The following SLC28A1 variants were observed in gnomAD, a reference collection of about 807,000 sequenced individuals.
The protein encoded by SLC28A1 is solute carrier family 28 member 1, also known as sodium/nucleoside cotransporter 1.
Under a neutral mutation model 74.8 loss-of-function variants are expected in SLC28A1, and 64 were observed. The observed-to-expected ratio is 0.86, with a 90% CI of 0.70 to 1.05. The LOEUF is 1.05. Among genes scored for constraint, SLC28A1 ranks in the 50% least tolerant of loss-of-function variants. The pLI is 0.00. For synonymous variants in SLC28A1, 359 were observed against 335.0 expected (o/e 1.07, Z -0.78); for missense variants, 828 against 822.8 (o/e 1.01, Z -0.08).
chr15:84,927,544 AG>A (rs571991575), intron 12 of SLC28A1, among the ~76,000 whole-genome samples: 4 of 152,122 alleles, frequency 2.6e-5, no homozygotes, highest in Admixed American at 6.5e-5. Context: ...CCTCTCTGGA[AG>A]GGGGGGTCTT....
chr15:84,956,666 CTTTTTTTT>C, the SLC28A1 span, among the ~76,000 whole-genome samples: 1 of 134,328 alleles, frequency 7.4e-6, no homozygotes, highest in African/African-American at 2.8e-5. Context: ...CTAATTTTTA[CTTTTTTTT>C]TTTTTTTTTT....
intron 6 of SLC28A1, among the ~76,000 whole-genome samples, chr15:84,903,403 A>G (rs1294800126): frequency 1.3e-5 from 2 of 152,230 alleles, no homozygotes; most frequent in Non-Finnish European, 2.9e-5. Flanking sequence ...GCATCGGTAT[A>G]GTACCTGGCA....
chr15:84,889,960 T>C (rs1439316096), intron 4 of SLC28A1, among the ~76,000 whole-genome samples: 2 of 151,412 alleles, frequency 1.3e-5, no homozygotes, highest in Non-Finnish European at 2.9e-5. Flanking sequence ...CTCAGCTTCT[T>C]GAGCAGCTGG....
intron 12 of SLC28A1, among the ~76,000 whole-genome samples, chr15:84,929,243 C>T (rs991504459): frequency 4.6e-5 from 7 of 151,902 alleles, no homozygotes; most frequent in African/African-American, 1.7e-4. Context: ...ATTTCTTTTT[C>T]CTTTTTAAAA....
chr15:84,922,788 C>G (rs537887768), intron 11 of SLC28A1, among the ~76,000 whole-genome samples: 13 of 152,346 alleles, frequency 8.5e-5, no homozygotes, highest in African/African-American at 1.7e-4. Context: ...GGCTTTTGGA[C>G]CTTGCAGAGC....
chr15:84,946,588 C>T (rs1303792909), downstream of SLC28A1, among the ~76,000 whole-genome samples: 2 of 152,058 alleles, frequency 1.3e-5, no homozygotes, highest in East Asian at 1.9e-4. Context: ...AGGGGTGCCC[C>T]GAGCCCATCT....
At chr15:84,904,299 C>T (rs1966857327) in intron 7 of SLC28A1, 61 bp downstream of exon 7, 1 of 1,608,180 alleles carries the variant, frequency 6.2e-7, no homozygotes, top group East Asian at 2.2e-5. Flanking sequence ...TGCCCCTAGG[C>T]TGGATCTGGG....
chr15:84,938,459 A>C (rs1008263353), intron 15 of SLC28A1: 1 of 152,202 alleles, frequency 6.6e-6, no homozygotes, highest in African/African-American at 2.4e-5. Flanking sequence ...ATCCTTGCAC[A>C]GGGGCCGTGC....
chr15:84,943,452 C>T lies in SLC28A1; in HGVS notation c.1589C>T (p.Ala530Val). The T allele has an allele frequency of 1.2e-6, 2 of 1,613,576 alleles. No homozygotes were observed. Among genetic ancestry groups the T allele is most frequent in the Non-Finnish European group, 1.7e-6 (2 of 1,179,588 alleles). The change falls in exon 16 of 19, where the codon GCT (alanine) becomes GTT (valine). Residue 530 changes from alanine to valine, a missense_variant. This residue lies in a region of SLC28A1 where 767 missense variants were observed against 753.5 expected (regional missense o/e 1.02). Coordinates refer to ENST00000394573, the MANE Select transcript of SLC28A1 (RefSeq NM_004213.5). ...GDRKQWISVR[A>V]EVLTTFALCG... ...CATCTTCTGTATTTTCAGGTCAGAG[C>T]TGAAGTCCTCACGACGTTTGCCCTC...
chr15:84,956,442 C>CCTTCCTTTCTTTCTTTCTTTCTTTCTTT, the SLC28A1 span, among the ~76,000 whole-genome samples: 1 of 124,568 alleles, frequency 8.0e-6, no homozygotes, highest in Admixed American at 8.5e-5. Context: ...TTCCTTCCTT[C>CCTTCCTTTCTTTCTTTCTTTCTTTCTTT]CTTTCTTTCT....
Position 84,917,042 on chromosome 15 carries a change from A to T in SLC28A1, c.796-1482A>T, listed in dbSNP as rs578084299. On this transcript the variant is annotated intron_variant, in intron 9 of 18. Coordinates refer to ENST00000394573, the MANE Select transcript of SLC28A1 (RefSeq NM_004213.5). ...GATTCTGTCTCAAAAAAAAAAAAAT[A>T]AATAAAAAAGGTAGGAACAGATGAG... 2.7e-3 allele frequency among the ~76,000 whole-genome samples: 27 copies of T among 10,084 alleles called. 1 individual carries two copies. The highest frequency in any genetic ancestry group is 3.7e-3 in the African/African-American group (21 of 5,718). The allele number at this position is 10,084 out of a possible 152,430, so 6.6% of individuals were successfully genotyped here.
At chr15:84,932,984 A>C (rs555622382) in intron 12 of SLC28A1, among the ~76,000 whole-genome samples, 161 bp from the exon 13 acceptor site, 185 of 129,224 alleles carry the variant, frequency 1.4e-3, no homozygotes, top group African/African-American at 5.1e-3. Flanking sequence ...CCTTCTACAC[A>C]TAAAAGGTAT....
rs10609233 is a variant in SLC28A1, at chr15:84,930,614, C to CTTT, written c.1084-2512_1084-2510dup. Among the ~76,000 whole-genome samples the CTTT allele has an allele frequency of 1.6e-3, 166 of 103,492 alleles. 6 individuals are homozygous for CTTT. Among genetic ancestry groups the CTTT allele is most frequent in the African/African-American group, 6.2e-3 (149 of 24,150 alleles). 67.9% of individuals were successfully genotyped at this position (103,492 alleles called of 152,430 possible). A position where few individuals can be genotyped will look rare whatever the true frequency, so the allele number is the denominator to read the frequency against. On this transcript the variant is annotated intron_variant, in intron 12 of 18. Transcript: ENST00000394573. The stretch of plus-strand genomic sequence containing the variant: ...AGGGGTGCCCACGATCTGCCCTCTG[C>CTTT]TTTTTTTTTTTTTTTTTTTTTGAGA...
chr15:84,973,786 T>C, the SLC28A1 span, among the ~76,000 whole-genome samples: 2 of 152,198 alleles, frequency 1.3e-5, no homozygotes, highest in Non-Finnish European at 2.9e-5. Flanking sequence ...ATCACTGTAT[T>C]CTCAGTGATG....
At chr15:84,897,163 T>G (rs923785462) in intron 6 of SLC28A1, among the ~76,000 whole-genome samples, 4 of 149,450 alleles carry the variant, frequency 2.7e-5, no homozygotes, top group Non-Finnish European at 5.9e-5. Flanking sequence ...GATCATGAGG[T>G]CAGGAGATGG....
chr15:84,936,004 G>C (rs1164092642), intron 15 of SLC28A1, among the ~76,000 whole-genome samples: 49 of 143,188 alleles, frequency 3.4e-4, no homozygotes, highest in Non-Finnish European at 1.8e-4. Context: ...GCCCAGGCTG[G>C]AGTGCAGTGG....
intron 12 of SLC28A1, among the ~76,000 whole-genome samples, chr15:84,925,052 C>T (rs1435011011): frequency 1.3e-5 from 2 of 150,112 alleles, no homozygotes; most frequent in African/African-American, 4.9e-5. Flanking sequence ...AGGCACGCCC[C>T]ACCGCGCCCA....
chr15:84,962,420 A>G, the SLC28A1 span, among the ~76,000 whole-genome samples: 1 of 152,084 alleles, frequency 6.6e-6, no homozygotes, highest in East Asian at 1.9e-4. Context: ...TGGAAAGAGA[A>G]GAAAGAAAGG....
chr15:84,885,306 A>G (rs1396340150), intron 1 of SLC28A1, among the ~76,000 whole-genome samples: 1 of 151,532 alleles, frequency 6.6e-6, no homozygotes, highest in Non-Finnish European at 1.5e-5. Flanking sequence ...CTAGTTTTCA[A>G]TCAAGGTAAC....
Sources: gnomAD v4.1 joint callset for allele counts (sites outside exome capture counted in the v4.1 genomes callset) on GRCh38, gnomAD v4.1.1 for gene constraint, gnomAD v4.1.1 regional missense constraint, MANE v1.5 for transcripts, NCBI Gene and HGNC (gene_info 2026-07-23, HGNC 2026-07-21) for gene names.